SPAG16: variants seen among roughly 807,000 people sequenced by gnomAD.
SPAG16 encodes sperm-associated antigen 16 protein.
SPAG16 carries 86 observed loss-of-function variants against 80.4 expected under a neutral mutation model. The observed-to-expected ratio is 1.07, with a 90% CI of 0.90 to 1.28. The LOEUF (loss-of-function observed/expected upper bound fraction) is 1.28. Ranked by LOEUF, SPAG16 falls within the 50% of genes most tolerant of loss-of-function variation. The pLI is 0.00. For missense variants in SPAG16, 870 were observed against 765.3 expected (o/e 1.14, Z -1.61); for synonymous variants, 294 against 265.9 (o/e 1.11, Z -1.03).
intron 9 of SPAG16, among the ~76,000 whole-genome samples, chr2:213,407,627 G>GAC (rs2068698105): frequency 1.4e-5 from 2 of 142,786 alleles, no homozygotes; most frequent in African/African-American, 2.6e-5. Context: ...GAGAGAGAGA[G>GAC]AGAGAGAGAG....
chr2:213,995,660 C>A (rs1425842097), intron 12 of SPAG16, among the ~76,000 whole-genome samples: 1 of 152,186 alleles, frequency 6.6e-6, no homozygotes, highest in African/African-American at 2.4e-5. Context: ...CCTTATTCTA[C>A]ATTAGTCATC....
At chr2:214,051,168 C>A (rs570729735) in intron 13 of SPAG16, among the ~76,000 whole-genome samples, 1 of 152,270 alleles carries the variant, frequency 6.6e-6, no homozygotes, top group East Asian at 1.9e-4. Context: ...CCAGAAGTTA[C>A]CCTTTCAAGG....
At chr2:213,526,497 C>T (rs1034814860) in intron 10 of SPAG16, among the ~76,000 whole-genome samples, 6 of 152,168 alleles carry the variant, frequency 3.9e-5, no homozygotes, top group Non-Finnish European at 7.4e-5. Context: ...ATCTTTCCAG[C>T]ACCCCTTTGG....
intron 15 of SPAG16, among the ~76,000 whole-genome samples, chr2:214,201,021 G>A (rs1227534339): frequency 1.3e-5 from 2 of 152,160 alleles, no homozygotes; most frequent in Non-Finnish European, 2.9e-5. Context: ...CAGCTTTTGT[G>A]TTTGCCCAGA....
chr2:213,403,930 C>T (rs2068468219), intron 9 of SPAG16, among the ~76,000 whole-genome samples: 1 of 152,030 alleles, frequency 6.6e-6, no homozygotes, highest in Admixed American at 6.6e-5. Flanking sequence ...AACAGAGAGC[C>T]AAATCATGAG....
intron 15 of SPAG16, among the ~76,000 whole-genome samples, chr2:214,256,724 G>A (rs188497243): frequency 6.6e-6 from 1 of 151,796 alleles, no homozygotes; most frequent in Non-Finnish European, 1.5e-5. Context: ...AATGTGAAAT[G>A]GTTGTATATA....
intron 9 of SPAG16, among the ~76,000 whole-genome samples, chr2:213,420,015 A>T (rs890478421): frequency 2.7e-5 from 4 of 149,674 alleles, no homozygotes; most frequent in Non-Finnish European, 5.9e-5. Flanking sequence ...TTTTCTAAGT[A>T]TATACAAGAT....
intron 15 of SPAG16, among the ~76,000 whole-genome samples, chr2:214,348,963 TA>T (rs1209755196): frequency 6.6e-6 from 1 of 152,072 alleles, no homozygotes; most frequent in Non-Finnish European, 1.5e-5. Context: ...CGGTCATCTT[TA>T]TTTTTTTTTA....
At position 214,234,255 on chromosome 2, in the gene SPAG16, A is replaced by G. The variant is rs1004127614; in HGVS notation, c.1720+84989A>G. 3.9e-5 allele frequency among the ~76,000 whole-genome samples: 6 copies of G among 152,168 alleles called. 1 individual carries two copies. Among genetic ancestry groups the G allele is most frequent in the Non-Finnish European group, 8.8e-5 (6 of 68,034 alleles). ...ATGGCTGCATAGTATTCCATGGTGT[A>G]TATGTACCACATTTTCTTTATCAAA... On this transcript the variant is annotated intron_variant, in intron 15 of 15. Transcript: ENST00000331683.
At chr2:214,330,999 C>CA (rs1264001359) in intron 15 of SPAG16, among the ~76,000 whole-genome samples, 1 of 152,168 alleles carries the variant, frequency 6.6e-6, no homozygotes, top group African/African-American at 2.4e-5. Context: ...ACTGTAGCCC[C>CA]ATGTAGCAGT....
At chr2:213,662,862 A>T (rs1433929658) in intron 10 of SPAG16, among the ~76,000 whole-genome samples, 1 of 152,042 alleles carries the variant, frequency 6.6e-6, no homozygotes, top group African/African-American at 2.4e-5. Context: ...GTATTTGACA[A>T]ATACTTTGCA....
chr2:213,850,688 GTTT>G (rs79222896), intron 10 of SPAG16, among the ~76,000 whole-genome samples: 1 of 148,508 alleles, frequency 6.7e-6, no homozygotes, highest in Non-Finnish European at 1.5e-5. Context: ...GAGAAATTCT[GTTT>G]TTTTTTTTAT....
chr2:213,735,316 A>G (rs1237493240), intron 10 of SPAG16, among the ~76,000 whole-genome samples: 4 of 152,204 alleles, frequency 2.6e-5, no homozygotes, highest in Non-Finnish European at 4.4e-5. Context: ...CAATTTTCTC[A>G]ATTCAAAATA....
chr2:214,297,825 T>A (rs1431808192), intron 15 of SPAG16, among the ~76,000 whole-genome samples: 1 of 142,774 alleles, frequency 7.0e-6, no homozygotes, highest in Non-Finnish European at 1.6e-5. Context: ...ATTTGGCTCT[T>A]TTTTTTTTTT....
intron 10 of SPAG16, among the ~76,000 whole-genome samples, chr2:213,586,419 G>A (rs960982987): frequency 6.6e-6 from 1 of 152,126 alleles, no homozygotes; most frequent in East Asian, 1.9e-4. Flanking sequence ...TCCCATTCAT[G>A]ACCTAATGAC....
At chr2:213,886,021 G>A (rs944754109) in intron 11 of SPAG16, among the ~76,000 whole-genome samples, 2 of 152,112 alleles carry the variant, frequency 1.3e-5, no homozygotes, top group Admixed American at 1.3e-4. Context: ...GTAAAAATAT[G>A]ATTGGATAAA....
intron 15 of SPAG16, among the ~76,000 whole-genome samples, chr2:214,266,074 T>C (rs1691546343): frequency 6.6e-6 from 1 of 151,958 alleles, no homozygotes; most frequent in African/African-American, 2.4e-5. Context: ...ATTTAGTGAA[T>C]AAATGAATGA....
At chr2:213,807,984 T>A (rs2071876143) in intron 10 of SPAG16, among the ~76,000 whole-genome samples, 1 of 152,082 alleles carries the variant, frequency 6.6e-6, no homozygotes, top group African/African-American at 2.4e-5. Flanking sequence ...TCTGCCCAAA[T>A]GAAAACAAGA....
chr2:213,530,037 T>G (rs888375794), intron 10 of SPAG16, among the ~76,000 whole-genome samples: 4 of 152,190 alleles, frequency 2.6e-5, no homozygotes, highest in African/African-American at 9.7e-5. Flanking sequence ...TCTTCAGAGA[T>G]AATAACAAGG....
Sources: gnomAD v4.1 joint callset for allele counts (sites outside exome capture counted in the v4.1 genomes callset) on GRCh38, gnomAD v4.1.1 for gene constraint, MANE v1.5 for transcripts, NCBI Gene and HGNC (gene_info 2026-07-23, HGNC 2026-07-21) for gene names.